SCAPER: variants seen among roughly 807,000 people sequenced by gnomAD.
SCAPER encodes S-phase cyclin A associated protein in the ER.
A neutral mutation model predicts 182.2 loss-of-function variants in SCAPER; 98 were observed. The ratio of observed to expected loss-of-function variants is 0.54; its 90% CI spans 0.46 to 0.64. The LOEUF (loss-of-function observed/expected upper bound fraction) is 0.64. Ranked by LOEUF, SCAPER falls within the 30% of genes least tolerant of loss-of-function variation. The probability of loss-of-function intolerance (pLI) is 0.00; values close to 1 mark genes in which losing one functional copy is unlikely to be tolerated. For missense variants in SCAPER, 1,432 were observed against 1,690.0 expected (o/e 0.85, Z 2.68); for synonymous variants, 605 against 564.6 (o/e 1.07, Z -1.01).
At chr15:76,725,138 C>A (rs2060503410) in intron 17 of SCAPER, among the ~76,000 whole-genome samples, 1 of 151,956 alleles carries the variant, frequency 6.6e-6, no homozygotes, top group African/African-American at 2.4e-5. Flanking sequence ...TTAAGAGATT[C>A]TATTTATAAT....
At chr15:76,744,820 G>C (rs2061711929) in intron 15 of SCAPER, among the ~76,000 whole-genome samples, 1 of 152,040 alleles carries the variant, frequency 6.6e-6, no homozygotes, top group African/African-American at 2.4e-5. Flanking sequence ...ATACCAAAAA[G>C]ACATGTGCAG....
At chr15:76,800,539 TACTATCAGTGAGAAATCATAGTTGATAA>T (rs2065703081) in intron 6 of SCAPER, among the ~76,000 whole-genome samples, 175 bp from the exon 7 acceptor site, 1 of 152,176 alleles carries the variant, frequency 6.6e-6, no homozygotes, top group South Asian at 2.1e-4. Context: ...AAAGTTACCA[TACTATCAGTGAGAAATCATAGTTGATAA>T]ACGGTTCAGG....
chr15:76,541,184 G>C (rs992309989), intron 23 of SCAPER, among the ~76,000 whole-genome samples: 1 of 145,114 alleles, frequency 6.9e-6, no homozygotes, highest in African/African-American at 2.6e-5. Context: ...GTTATGCATG[G>C]TATAACACGT....
intron 5 of SCAPER, among the ~76,000 whole-genome samples, chr15:76,829,948 G>A (rs908775811): frequency 1.3e-5 from 2 of 152,100 alleles, no homozygotes; most frequent in African/African-American, 2.4e-5. Flanking sequence ...TTTCAACCGT[G>A]ATATATATTT....
chr15:76,896,014 TG>T (rs2074418556), intron 1 of SCAPER, among the ~76,000 whole-genome samples: 1 of 149,012 alleles, frequency 6.7e-6, no homozygotes, highest in Admixed American at 6.8e-5. Context: ...CACTCCAGCC[TG>T]GGCAACAGAG....
chr15:76,876,403 G>A (rs2073166010), intron 2 of SCAPER, among the ~76,000 whole-genome samples: 2 of 148,566 alleles, frequency 1.3e-5, no homozygotes, highest in Admixed American at 1.3e-4. Flanking sequence ...ACTCCAGCCT[G>A]GGCAACAGAG....
intron 20 of SCAPER, among the ~76,000 whole-genome samples, chr15:76,668,909 A>G (rs2056815997): frequency 6.6e-6 from 1 of 152,230 alleles, no homozygotes; most frequent in African/African-American, 2.4e-5. Flanking sequence ...ACTTTATATA[A>G]TATCATTCAT....
At chr15:76,606,767 G>C (rs1375250167) in intron 22 of SCAPER, among the ~76,000 whole-genome samples, 1 of 151,854 alleles carries the variant, frequency 6.6e-6, no homozygotes, top group Non-Finnish European at 1.5e-5. Context: ...TTACCATTAT[G>C]TAATGGCCTT....
intron 5 of SCAPER, among the ~76,000 whole-genome samples, chr15:76,805,209 T>TA (rs1442123196): frequency 6.6e-6 from 1 of 152,238 alleles, no homozygotes; most frequent in African/African-American, 2.4e-5. Context: ...TACTGTTTAT[T>TA]ATGAATACTG....
chr15:76,561,617 G>A (rs2046629968), intron 23 of SCAPER, among the ~76,000 whole-genome samples: 1 of 152,004 alleles, frequency 6.6e-6, no homozygotes, highest in Non-Finnish European at 1.5e-5. Flanking sequence ...ACAGTATGTA[G>A]GTAGAATACA....
chr15:76,441,198 G>T (rs536651575), intron 25 of SCAPER, among the ~76,000 whole-genome samples: 2 of 145,772 alleles, frequency 1.4e-5, no homozygotes, highest in South Asian at 4.3e-4. Flanking sequence ...TGGGATTACA[G>T]GTGTGAGCCA....
intron 22 of SCAPER, among the ~76,000 whole-genome samples, chr15:76,590,285 A>G (rs1320513615): frequency 6.6e-6 from 1 of 152,210 alleles, no homozygotes; most frequent in Non-Finnish European, 1.5e-5. Flanking sequence ...CTGATTTTTA[A>G]CTCATGAACT....
chr15:76,896,731 C>G (rs1390164247), intron 1 of SCAPER, among the ~76,000 whole-genome samples: 1 of 152,122 alleles, frequency 6.6e-6, no homozygotes, highest in Non-Finnish European at 1.5e-5. Flanking sequence ...TTGAGACCAG[C>G]CTGGGCAATG....
At chr15:76,349,658 TAAA>T (rs11395162) in intron 31 of SCAPER, 1 of 149,556 alleles carries the variant, frequency 6.7e-6, no homozygotes, top group African/African-American at 2.5e-5. Flanking sequence ...GCATCATCAT[TAAA>T]AAAAAAATCA....
intron 5 of SCAPER, among the ~76,000 whole-genome samples, chr15:76,829,010 T>G (rs1037819223): frequency 6.6e-6 from 1 of 152,238 alleles, no homozygotes; most frequent in Non-Finnish European, 1.5e-5. Context: ...TGCACATGCA[T>G]GTTTATAGCA....
chr15:76,488,230 T>G (rs2051853392), intron 24 of SCAPER, among the ~76,000 whole-genome samples: 1 of 152,182 alleles, frequency 6.6e-6, no homozygotes, highest in Non-Finnish European at 1.5e-5. Flanking sequence ...CTTTAATATC[T>G]TTTATATAAC....
chr15:76,730,274 T>G (rs1750457812), intron 16 of SCAPER, among the ~76,000 whole-genome samples: 1 of 151,054 alleles, frequency 6.6e-6, no homozygotes, highest in South Asian at 2.1e-4. Context: ...GCCAAAAGGA[T>G]CTCTATTTCT....
chr15:76,820,042 C>A (rs1304292731), intron 5 of SCAPER, among the ~76,000 whole-genome samples: 1 of 152,102 alleles, frequency 6.6e-6, no homozygotes, highest in Non-Finnish European at 1.5e-5. Flanking sequence ...CAATGAGATA[C>A]CATCTCACAC....
Position 76,702,915 on chromosome 15 carries a change from T to C in SCAPER, c.2335A>G (p.Thr779Ala). The change falls in exon 19 of 32, where the codon ACT (threonine) becomes GCT (alanine). Residue 779 changes from threonine (T) to alanine (A), a missense_variant. Physicochemically the swap from Thr to Ala is moderately conservative, Grantham distance 58. Around this residue, in one of 5 missense-constraint regions of SCAPER, gnomAD observed 718 missense variants for 799.7 expected, o/e 0.90. Coordinates refer to ENST00000563290, the MANE Select transcript of SCAPER (RefSeq NM_020843.4). ...GGGGTCAGTTTGGGGGCATAATCAG[T>C]ATTTGCATGTCGCCCACTGCTTAGC... ...AELSSGRHAN[T>A]DYAPKLTPYE... The C allele has an allele frequency of 1.2e-6, 2 of 1,611,672 alleles. No individual in the cohort carries two copies. Among genetic ancestry groups the C allele is most frequent in the Non-Finnish European group, 1.7e-6 (2 of 1,179,174 alleles).
Sources: allele counts gnomAD v4.1 joint callset (sites outside exome capture counted in the v4.1 genomes callset), GRCh38; gene constraint gnomAD v4.1.1; regional missense constraint gnomAD v4.1.1; transcripts MANE v1.5; gene names NCBI Gene and HGNC (gene_info 2026-07-23, HGNC 2026-07-21).